DPP10: variants seen among roughly 807,000 people sequenced by gnomAD.
The protein encoded by DPP10 is inactive dipeptidyl peptidase 10.
Under a neutral mutation model 120.9 loss-of-function variants are expected in DPP10, and 33 were observed. The ratio of observed to expected loss-of-function variants is 0.27; its 90% CI spans 0.21 to 0.37. DPP10 has a LOEUF of 0.37. Ranked by LOEUF, DPP10 falls within the 10% of genes least tolerant of loss-of-function variation. The probability of loss-of-function intolerance (pLI) is 1.00; values close to 1 mark genes in which losing one functional copy is unlikely to be tolerated. For synonymous variants in DPP10, 337 were observed against 326.1 expected, an observed-to-expected ratio of 1.03 and a Z score of -0.36; for missense variants, 816 against 942.8, an observed-to-expected ratio of 0.87 and a Z score of 1.76.
chr2:115,061,212 A>G (rs568053615), intron 1 of DPP10, among the ~76,000 whole-genome samples: 1 of 152,270 alleles, frequency 6.6e-6, no homozygotes, highest in Non-Finnish European at 1.5e-5. Flanking sequence ...TTCCCTTCCT[A>G]TTTATGCACT....
At chr2:114,959,914 C>A (rs1185514755) in intron 1 of DPP10, among the ~76,000 whole-genome samples, 2 of 152,074 alleles carry the variant, frequency 1.3e-5, no homozygotes, top group Admixed American at 1.3e-4. Flanking sequence ...TTTAATTGGG[C>A]TATTTATTTT....
chr2:115,341,292 G>A (rs1159726062), intron 2 of DPP10, among the ~76,000 whole-genome samples: 1 of 151,724 alleles, frequency 6.6e-6, no homozygotes, highest in Non-Finnish European at 1.5e-5. Context: ...ATTTTTCAGA[G>A]AAATTTTATA....
chr2:114,999,394 G>A (rs1053816295), intron 1 of DPP10, among the ~76,000 whole-genome samples: 16 of 152,068 alleles, frequency 1.1e-4, no homozygotes, highest in Non-Finnish European at 1.9e-4. Context: ...CTCATTTTAA[G>A]ACTAAAATGG....
intron 1 of DPP10, among the ~76,000 whole-genome samples, chr2:114,532,256 C>CATATATATATATATATATATATAT (rs66716319): frequency 1.2e-5 from 1 of 86,286 alleles, no homozygotes; most frequent in Non-Finnish European, 2.2e-5. Flanking sequence ...AATAAATCTC[C>CATATATATATATATATATATATAT]ATATATATAT....
At chr2:114,888,108 A>T (rs539126200) in intron 1 of DPP10, among the ~76,000 whole-genome samples, 116 of 148,786 alleles carry the variant, frequency 7.8e-4, no homozygotes, top group African/African-American at 2.8e-3. Context: ...GTGCTGCTGC[A>T]CTCCAGCCTG....
intron 11 of DPP10, among the ~76,000 whole-genome samples, chr2:115,756,370 G>A (rs1679406119): frequency 6.6e-6 from 1 of 151,958 alleles, no homozygotes; most frequent in Admixed American, 6.6e-5. Flanking sequence ...AAATGTTTGA[G>A]GTAGTGGATA....
chr2:115,116,132 T>A (rs1368859852), intron 1 of DPP10, among the ~76,000 whole-genome samples: 1 of 150,052 alleles, frequency 6.7e-6, no homozygotes, highest in Non-Finnish European at 1.5e-5. Flanking sequence ...GACACAATGA[T>A]TAAGTTCAAA....
intron 10 of DPP10, among the ~76,000 whole-genome samples, chr2:115,750,595 T>C (rs1678578120): frequency 6.6e-6 from 1 of 152,216 alleles, no homozygotes; most frequent in East Asian, 1.9e-4. Context: ...CCACATTATT[T>C]AAAAACAGAC....
At chr2:115,531,069 A>C (rs945902528) in intron 5 of DPP10, among the ~76,000 whole-genome samples, 1 of 152,106 alleles carries the variant, frequency 6.6e-6, no homozygotes, top group Non-Finnish European at 1.5e-5. Context: ...TATTCTTAAC[A>C]CACAACAGTA....
At chr2:114,589,928 T>C (rs754019595) in intron 1 of DPP10, among the ~76,000 whole-genome samples, 10 of 152,038 alleles carry the variant, frequency 6.6e-5, no homozygotes, top group Non-Finnish European at 7.4e-5. Context: ...ATCAAGTATA[T>C]CTACTGGGGA....
intron 3 of DPP10, among the ~76,000 whole-genome samples, chr2:115,395,894 G>C (rs2067645661): frequency 6.6e-6 from 1 of 151,998 alleles, no homozygotes; most frequent in Non-Finnish European, 1.5e-5. Context: ...TATATACAAT[G>C]ATAGAGTGCT....
intron 1 of DPP10, among the ~76,000 whole-genome samples, chr2:114,921,372 C>T (rs990513551): frequency 2.5e-4 from 38 of 152,148 alleles, no homozygotes; most frequent in Non-Finnish European, 5.1e-4. Flanking sequence ...TTTCAAAGTA[C>T]ATTGTATAAA....
At chr2:115,203,920 A>C (rs2055927363) in intron 1 of DPP10, among the ~76,000 whole-genome samples, 1 of 152,146 alleles carries the variant, frequency 6.6e-6, no homozygotes, top group Non-Finnish European at 1.5e-5. Flanking sequence ...AGTAACTTAT[A>C]CTTAGTTGTG....
intron 1 of DPP10, among the ~76,000 whole-genome samples, chr2:114,478,690 T>C (rs1680742629): frequency 6.6e-6 from 1 of 152,112 alleles, no homozygotes; most frequent in Admixed American, 6.6e-5. Context: ...TGGAGAGATC[T>C]ACAAAAAAAC....
intron 1 of DPP10, among the ~76,000 whole-genome samples, chr2:114,984,031 A>G (rs1449306633): frequency 2.0e-5 from 3 of 152,224 alleles, no homozygotes; most frequent in Admixed American, 6.5e-5. Flanking sequence ...CAAGTGACAT[A>G]TAAGGCTGCA....
chr2:115,536,365 T>C (rs769321895), intron 5 of DPP10, among the ~76,000 whole-genome samples: 2 of 152,000 alleles, frequency 1.3e-5, no homozygotes, highest in Non-Finnish European at 2.9e-5. Context: ...TACCATCTTT[T>C]CATGTGGTGA....
intron 1 of DPP10, among the ~76,000 whole-genome samples, chr2:115,024,927 A>G (rs1443739021): frequency 2.0e-5 from 3 of 150,524 alleles, no homozygotes; most frequent in African/African-American, 7.3e-5. Flanking sequence ...TATATTTTAT[A>G]ATCTTTAAAA....
intron 1 of DPP10, among the ~76,000 whole-genome samples, chr2:114,581,318 G>A (rs1690506423): frequency 4.0e-5 from 6 of 151,008 alleles, no homozygotes; most frequent in Admixed American, 4.0e-4. Flanking sequence ...CGAGTAGCTG[G>A]GACTACAGGT....
At chr2:115,203,839 TTCAA>T (rs1203322488) in intron 1 of DPP10, among the ~76,000 whole-genome samples, 1 of 152,100 alleles carries the variant, frequency 6.6e-6, no homozygotes, top group Non-Finnish European at 1.5e-5. Flanking sequence ...CTCCTATCTA[TTCAA>T]TCAAAATTCT....
Sources: allele counts gnomAD v4.1 joint callset (sites outside exome capture counted in the v4.1 genomes callset), GRCh38; gene constraint gnomAD v4.1.1; transcripts MANE v1.5; gene names NCBI Gene and HGNC (gene_info 2026-07-23, HGNC 2026-07-21).